Variants in CACNG6 observed in about 807,000 individuals in gnomAD.
CACNG6 encodes the protein calcium voltage-gated channel auxiliary subunit gamma 6, also known as voltage-dependent calcium channel gamma-6 subunit.
CACNG6 carries 21 observed loss-of-function variants against 23.9 expected under a neutral mutation model. The observed-to-expected ratio is 0.88, with a 90% CI of 0.62 to 1.26. CACNG6 has a LOEUF of 1.26. Ranked by LOEUF, CACNG6 falls within the 50% of genes most tolerant of loss-of-function variation. The pLI is 0.00. For missense variants in CACNG6, 340 were observed against 352.9 expected (o/e 0.96, Z 0.29); for synonymous variants, 182 against 168.9 (o/e 1.08, Z -0.60).
chr19:53,991,572 CGAGGGTG>C (rs535117076), upstream of CACNG6, among the ~76,000 whole-genome samples: 160 of 63,836 alleles, frequency 2.5e-3, 2 homozygotes, highest in African/African-American at 7.4e-3. Flanking sequence ...GAAATAGCCC[CGAGGGTG>C]GAGGGTGGAG....
intron 3 of CACNG6, among the ~76,000 whole-genome samples, chr19:54,003,441 A>G (rs539712635): frequency 6.6e-6 from 1 of 151,978 alleles, no homozygotes; most frequent in Non-Finnish European, 1.5e-5. Context: ...GCTCACTGCA[A>G]CCTCTGCCTC....
chr19:54,009,385 CG>C (rs1313664033), intron 3 of CACNG6, among the ~76,000 whole-genome samples: 2 of 122,586 alleles, frequency 1.6e-5, no homozygotes, highest in African/African-American at 5.4e-5. Flanking sequence ...CATGTCACTG[CG>C]TTGCAGTGAG....
At chr19:54,006,527 T>TC (rs1307482476) in intron 3 of CACNG6, among the ~76,000 whole-genome samples, 5 of 139,738 alleles carry the variant, frequency 3.6e-5, no homozygotes, top group Non-Finnish European at 7.7e-5. Context: ...CTTTTCTTTT[T>TC]TTTTTTTTTT....
At chr19:53,998,774 G>A (rs1433674957) in intron 2 of CACNG6, among the ~76,000 whole-genome samples, 1 of 152,212 alleles carries the variant, frequency 6.6e-6, no homozygotes, top group African/African-American at 2.4e-5. Flanking sequence ...GCCTCCCAAA[G>A]TGCTGGGATG....
chr19:53,999,884 A>G (rs2069558714), intron 3 of CACNG6, 113 bp downstream of exon 3: 1 of 1,318,704 alleles, frequency 7.6e-7, no homozygotes, highest in East Asian at 2.3e-5. Context: ...CAGAGATGGA[A>G]TCTCTATGCA....
At chr19:53,993,590 A>C (rs2069490454) in intron 1 of CACNG6, among the ~76,000 whole-genome samples, 2 of 147,186 alleles carry the variant, frequency 1.4e-5, no homozygotes. Flanking sequence ...CCTATTCTGC[A>C]CCTCTAAAGA....
intron 3 of CACNG6, among the ~76,000 whole-genome samples, chr19:54,004,103 C>T (rs935171726): frequency 3.9e-5 from 6 of 152,076 alleles, no homozygotes; most frequent in African/African-American, 1.4e-4. Context: ...GCAGTCCTCT[C>T]GCTTCAGCCT....
intron 3 of CACNG6, among the ~76,000 whole-genome samples, chr19:54,007,778 C>T (rs1035564535): frequency 6.6e-6 from 1 of 151,662 alleles, no homozygotes; most frequent in Non-Finnish European, 1.5e-5. Flanking sequence ...GCGATGTAGT[C>T]CCAGCTACTC....
intron 3 of CACNG6, 138 bp from the exon 4 acceptor site, chr19:54,011,813 G>A: frequency 2.3e-6 from 1 of 426,186 alleles, no homozygotes; most frequent in African/African-American, 2.1e-5. Context: ...CTATATAGTA[G>A]GTGTTTAGTA....
chr19:54,011,795 GCTGC>G (rs2145971128), intron 3 of CACNG6, among the ~76,000 whole-genome samples, 152 bp from the exon 4 acceptor site: 1 of 143,746 alleles, frequency 7.0e-6, no homozygotes, highest in African/African-American at 2.6e-5. Context: ...CTTCCCAAAT[GCTGC>G]CTGCTATATA....
At chr19:53,997,850 T>C (rs1385756201) in intron 1 of CACNG6, among the ~76,000 whole-genome samples, 1 of 152,204 alleles carries the variant, frequency 6.6e-6, no homozygotes, top group Non-Finnish European at 1.5e-5. Flanking sequence ...AGTCTGTTAG[T>C]CTTCTGCTAC....
At chr19:54,009,406 T>C (rs1157457614) in intron 3 of CACNG6, among the ~76,000 whole-genome samples, 1 of 130,528 alleles carries the variant, frequency 7.7e-6, no homozygotes, top group Non-Finnish European at 1.7e-5. Flanking sequence ...GCTGAGATCA[T>C]GTCACTGCAC....
chr19:54,003,750 T>A (rs1191221004), intron 3 of CACNG6, among the ~76,000 whole-genome samples: 1 of 152,198 alleles, frequency 6.6e-6, no homozygotes, highest in Non-Finnish European at 1.5e-5. Context: ...GCCACGGCTA[T>A]ATTTCCCCGA....
intron 3 of CACNG6, among the ~76,000 whole-genome samples, chr19:54,009,145 G>A (rs145298962): frequency 3.3e-5 from 5 of 152,116 alleles, no homozygotes; most frequent in Non-Finnish European, 5.9e-5. Context: ...AAAAATTGCC[G>A]GGCGCGGTGG....
At position 53,993,110 on chromosome 19, in the gene CACNG6, C is replaced by CG. The variant is rs1568809991; in HGVS notation, c.235dup (p.Ala79GlyfsTer40). The CG allele has an allele frequency of 1.9e-6, 3 of 1,546,864 alleles. No homozygotes were observed. The highest frequency in any genetic ancestry group is 1.7e-6 in the Non-Finnish European group (2 of 1,145,348). On this transcript the variant is annotated frameshift_variant, in exon 1 of 4. Transcript: ENST00000252729. LOFTEE classifies it high-confidence loss of function. ...GCCAACGGCAGCGCCGTGTGCGAAG[C>CG]GGCCCACCTGGGGCTGTGGAAGGCG...
Position 53,998,393 on chromosome 19 carries a change from C to T in CACNG6, c.406+80C>T, listed in dbSNP as rs556512677. ...TGGAGGAGTTCTAGAGAGAGTTATCCCCTCCTCTGCTTTACCCCAGGGCAG... is the reference window on the plus strand; with the variant it reads ...TGGAGGAGTTCTAGAGAGAGTTATCTCCTCCTCTGCTTTACCCCAGGGCAG... On this transcript the variant is annotated intron_variant, in intron 2 of 3. Transcript: ENST00000252729. The T allele has an allele frequency of 1.4e-3, 1,770 of 1,267,556 alleles. 1 individual carries two copies. Among genetic ancestry groups the T allele is most frequent in the Non-Finnish European group, 1.9e-3 (1,671 of 881,392 alleles). 78.5% of individuals were successfully genotyped at this position (1,267,556 alleles called of 1,614,324 possible).
intron 3 of CACNG6, among the ~76,000 whole-genome samples, chr19:54,008,868 T>C (rs889717627): frequency 1.3e-5 from 2 of 152,238 alleles, no homozygotes; most frequent in African/African-American, 4.8e-5. Flanking sequence ...ATTTTGGACA[T>C]TGCAACCTGG....
At chr19:54,003,131 G>C (rs554974457) in intron 3 of CACNG6, among the ~76,000 whole-genome samples, 17 of 152,260 alleles carry the variant, frequency 1.1e-4, no homozygotes, top group African/African-American at 3.9e-4. Context: ...GTTAGTGAAG[G>C]CGTCCCTTTG....
At position 53,991,735 on chromosome 19, in the gene CACNG6, TC is replaced by T. The variant is rs1438523615; in HGVS notation, c.-1142del. On this transcript the variant is annotated 5_prime_UTR_variant, in exon 1 of 4. Coordinates refer to ENST00000252729, the MANE Select transcript of CACNG6 (RefSeq NM_145814.2). ...GCAGGAGAGCGAGAGGGGCCCCTGC[TC>T]GGGAGTCGGGGGTGGGAGCCCCGAG... Among the ~76,000 whole-genome samples, 2 of 150,542 alleles carry T rather than the reference TC, an allele frequency of 1.3e-5. No homozygotes were observed. The highest frequency in any genetic ancestry group is 3.0e-5 in the Non-Finnish European group (2 of 67,698).
Sources: gnomAD v4.1 joint callset for allele counts (sites outside exome capture counted in the v4.1 genomes callset) on GRCh38, gnomAD v4.1.1 for gene constraint, MANE v1.5 for transcripts, NCBI Gene and HGNC (gene_info 2026-07-23, HGNC 2026-07-21) for gene names.